SLC36A2: variants seen among roughly 807,000 people sequenced by gnomAD.
The protein encoded by SLC36A2 is proton-coupled amino acid transporter 2.
SLC36A2 carries 39 observed loss-of-function variants against 42.7 expected under a neutral mutation model. That is an observed-to-expected ratio of 0.91 (90% CI 0.71 to 1.19). SLC36A2 has a LOEUF of 1.19. SLC36A2 is among the 50% of genes most tolerant of loss of function. The pLI is 0.00. For missense variants in SLC36A2, 590 were observed against 613.7 expected, an observed-to-expected ratio of 0.96 and a Z score of 0.41; for synonymous variants, 237 against 240.8, an observed-to-expected ratio of 0.98 and a Z score of 0.15.
chr5:151,342,242 G>T (rs1410397759), intron 4 of SLC36A2, among the ~76,000 whole-genome samples: 1 of 152,126 alleles, frequency 6.6e-6, no homozygotes, highest in East Asian at 1.9e-4. Flanking sequence ...CTGACTCTCT[G>T]CCCTCAAGCT....
chr5:151,347,311 C>CT lies in SLC36A2; in HGVS notation c.149dup (p.Thr51AspfsTer64). 2 of 1,602,582 alleles carry CT rather than the reference C, an allele frequency of 1.2e-6. No homozygotes were observed. Among genetic ancestry groups the CT allele is most frequent in the Non-Finnish European group, 1.7e-6 (2 of 1,169,364 alleles). On this transcript the variant is annotated frameshift_variant, in exon 1 of 10. Transcript: ENST00000335244. LOFTEE classifies it high-confidence loss of function. ...ACAGCACTCACGTTATGCCCTTGGTCTTCTTCAAGCCTGCTGACTCTGAAG... is the reference window on the plus strand; with the variant it reads ...ACAGCACTCACGTTATGCCCTTGGTCTTTCTTCAAGCCTGCTGACTCTGAAG...
At chr5:151,338,745 C>A in intron 5 of SLC36A2, 1 of 251,206 alleles carries the variant, frequency 4.0e-6, no homozygotes, top group East Asian at 9.2e-5. Context: ...AGACCCATAT[C>A]AATTTTAGAA....
At chr5:151,318,017 G>A (rs1445621178) in intron 9 of SLC36A2, among the ~76,000 whole-genome samples, 3 of 152,142 alleles carry the variant, frequency 2.0e-5, no homozygotes, top group Non-Finnish European at 4.4e-5. Flanking sequence ...GATAAAATTT[G>A]TTAAACAGTT....
intron 1 of SLC36A2, among the ~76,000 whole-genome samples, chr5:151,345,789 G>A (rs1400303239): frequency 6.6e-6 from 1 of 152,202 alleles, no homozygotes; most frequent in Non-Finnish European, 1.5e-5. Flanking sequence ...ACCAAACTGG[G>A]AGTTGGGAGA....
chr5:151,317,025 C>T lies in SLC36A2; in HGVS notation c.1244G>A (p.Gly415Asp), dbSNP rs1402929637. 1 of 1,614,050 alleles carries T rather than the reference C, an allele frequency of 6.2e-7. No individual in the cohort carries two copies. Among genetic ancestry groups the T allele is most frequent in the Non-Finnish European group, 8.5e-7 (1 of 1,180,002 alleles). Reference protein sequence around the residue: ...LVISLVGSVSGTALALIIPPL... With the variant: ...LVISLVGSVSDTALALIIPPL... ...TGGGATGATGAGGGCCAGGGCGGTG[C>T]CACTCACGGAGCCCACCAGGGAGAT... Residue 415 changes from glycine to aspartate, a missense_variant, in exon 10 of 10, where the codon GGC (glycine) becomes GAC (aspartate). Physicochemically the swap from Gly to Asp is moderately conservative, Grantham distance 94. Coordinates refer to ENST00000335244, the MANE Select transcript of SLC36A2 (RefSeq NM_181776.3).
Position 151,315,092 on chromosome 5 carries a change from C to T in SLC36A2, c.*1725G>A, listed in dbSNP as rs564632281. ...GGATATAGTCTAGGATGGCTTTACT[C>T]GTGTCTGGAAGTTGGTAGGCTGGTT... On this transcript the variant is annotated 3_prime_UTR_variant, in exon 10 of 10. Coordinates refer to ENST00000335244, the MANE Select transcript of SLC36A2 (RefSeq NM_181776.3). The T allele has an allele frequency of 6.6e-6, 1 of 152,638 alleles. No homozygotes were observed. The highest frequency in any genetic ancestry group is 1.5e-5 in the Non-Finnish European group (1 of 68,092). The allele number at this position is 152,638 out of a possible 1,614,324, so 9.5% of individuals were successfully genotyped here. A position where few individuals can be genotyped will look rare whatever the true frequency, so the allele number is the denominator to read the frequency against.
intron 1 of SLC36A2, among the ~76,000 whole-genome samples, chr5:151,346,440 C>T (rs141290165): frequency 6.6e-6 from 1 of 152,142 alleles, no homozygotes; most frequent in Non-Finnish European, 1.5e-5. Flanking sequence ...TCCATGCACC[C>T]TCCTTTAGTT....
intron 7 of SLC36A2, chr5:151,332,391 A>C: frequency 2.2e-6 from 1 of 455,568 alleles, no homozygotes; most frequent in Non-Finnish European, 4.4e-6. Flanking sequence ...GCAAATGAAA[A>C]GATGTTCAAT....
chr5:151,328,619 T>C (rs1412819764), intron 7 of SLC36A2, among the ~76,000 whole-genome samples: 1 of 152,190 alleles, frequency 6.6e-6, no homozygotes, highest in African/African-American at 2.4e-5. Flanking sequence ...GTGGCTGTAG[T>C]GGTCACACAG....
At chr5:151,341,737 T>G (rs545559415) in intron 4 of SLC36A2, among the ~76,000 whole-genome samples, 1 of 152,314 alleles carries the variant, frequency 6.6e-6, no homozygotes, top group East Asian at 1.9e-4. Context: ...TGTCCCTGGC[T>G]TCATGGCTGA....
At chr5:151,337,395 T>C (rs976239037) in intron 5 of SLC36A2, among the ~76,000 whole-genome samples, 2 of 152,352 alleles carry the variant, frequency 1.3e-5, no homozygotes, top group African/African-American at 4.8e-5. Flanking sequence ...CCTCACGTTG[T>C]TGTTGTTAGT....
chr5:151,343,269 A>G (rs1349873914), intron 3 of SLC36A2, among the ~76,000 whole-genome samples: 4 of 152,184 alleles, frequency 2.6e-5, no homozygotes, highest in African/African-American at 9.7e-5. Context: ...CATTCTCTGC[A>G]TAGTTTATGC....
intron 1 of SLC36A2, among the ~76,000 whole-genome samples, chr5:151,344,674 G>A (rs1348737847): frequency 6.6e-6 from 1 of 152,160 alleles, no homozygotes; most frequent in Non-Finnish European, 1.5e-5. Flanking sequence ...TGCTGCTTCA[G>A]AGTCCCTGTT....
chr5:151,331,252 G>A (rs1370689016), intron 7 of SLC36A2, among the ~76,000 whole-genome samples: 5 of 152,072 alleles, frequency 3.3e-5, no homozygotes, highest in Non-Finnish European at 7.4e-5. Flanking sequence ...AGAAAACTCT[G>A]AGGTAAATCT....
chr5:151,331,714 T>G (rs1258287053), intron 7 of SLC36A2, among the ~76,000 whole-genome samples: 2 of 152,142 alleles, frequency 1.3e-5, no homozygotes, highest in Non-Finnish European at 2.9e-5. Context: ...TCAAAAACTT[T>G]TGTGCATCAC....
At chr5:151,322,522 T>G (rs2127285907) in intron 8 of SLC36A2, among the ~76,000 whole-genome samples, 1 of 152,294 alleles carries the variant, frequency 6.6e-6, no homozygotes, top group African/African-American at 2.4e-5. Context: ...TCTTATGTTT[T>G]AAAAAAGAGA....
intron 8 of SLC36A2, 106 bp from the exon 9 acceptor site, chr5:151,322,321 T>G: frequency 7.3e-7 from 1 of 1,366,098 alleles, no homozygotes; most frequent in South Asian, 1.2e-5. Flanking sequence ...GGCTTTTGTT[T>G]CCCTTTCTGA....
intron 7 of SLC36A2, among the ~76,000 whole-genome samples, chr5:151,331,871 C>G (rs1012860092): frequency 6.6e-6 from 1 of 150,966 alleles, no homozygotes; most frequent in Non-Finnish European, 1.5e-5. Flanking sequence ...GATCCCATCT[C>G]TCTTTTTTTT....
rs1243362306 is a variant in SLC36A2 at position 151,322,019 on chromosome 5, G to A, written c.1180+27C>T. The A allele has an allele frequency of 2.5e-6, 4 of 1,613,772 alleles. No individual in the cohort carries two copies. The African/African-American group carries it at 5.3e-5, about 22-fold the overall frequency. ...TATAGCCCTCAGAAAAGATCAGCAG[G>A]AACACTGCACTCTCCTTTCTACTCA... is the stretch of plus-strand genomic sequence containing the variant. On this transcript the variant is annotated intron_variant, in intron 9 of 9. Coordinates refer to ENST00000335244, the MANE Select transcript of SLC36A2 (RefSeq NM_181776.3).
Sources: gnomAD v4.1 joint callset for allele counts (sites outside exome capture counted in the v4.1 genomes callset) on GRCh38, gnomAD v4.1.1 for gene constraint, MANE v1.5 for transcripts, NCBI Gene and HGNC (gene_info 2026-07-23, HGNC 2026-07-21) for gene names.